The following SLC4A7 variants were observed in gnomAD, a reference collection of about 807,000 sequenced individuals.
SLC4A7 encodes the protein solute carrier family 4 member 7.
A neutral mutation model predicts 137.6 loss-of-function variants in SLC4A7; 51 were observed. That is an observed-to-expected ratio of 0.37 (90% CI 0.30 to 0.47). The LOEUF (loss-of-function observed/expected upper bound fraction) is 0.47, where lower values mean the gene tolerates loss of function less well. Among genes scored for constraint, SLC4A7 ranks in the 20% least tolerant of loss-of-function variants. The pLI, the probability that SLC4A7 is intolerant of heterozygous loss-of-function variation, is 1.00. For missense variants in SLC4A7, 1,247 were observed against 1,525.4 expected, an observed-to-expected ratio of 0.82 and a Z score of 3.04; for synonymous variants, 542 against 518.6, an observed-to-expected ratio of 1.05 and a Z score of -0.61.
In SLC4A7 at chr3:27,408,754, A is replaced by G. The variant is rs372623389; in HGVS notation, c.1941+602T>C. On this transcript the variant is annotated intron_variant, in intron 13 of 25. Transcript: ENST00000454389. ...TATAACCAGGAACAGGAAAACATAA[A>G]AACTTTCATTTTAGTCATATCAAAG... 3.9e-5 allele frequency among the ~76,000 whole-genome samples: 6 copies of G among 152,198 alleles called. No homozygotes were observed. The East Asian group carries it at 7.7e-4, about 20-fold the overall frequency.
chr3:27,418,178 T>G (rs914350634), intron 11 of SLC4A7, among the ~76,000 whole-genome samples: 14 of 152,184 alleles, frequency 9.2e-5, no homozygotes, highest in Admixed American at 9.2e-4. Context: ...ATTTCTTATG[T>G]CAGATCTCCT....
intron 1 of SLC4A7, among the ~76,000 whole-genome samples, chr3:27,479,501 A>C (rs1170206317): frequency 6.6e-6 from 1 of 152,120 alleles, no homozygotes; most frequent in Non-Finnish European, 1.5e-5. Flanking sequence ...GGAAAGAGTC[A>C]CTAATTTAGG....
chr3:27,482,551 G>A (rs928286324), intron 1 of SLC4A7, among the ~76,000 whole-genome samples: 5 of 152,106 alleles, frequency 3.3e-5, no homozygotes, highest in Non-Finnish European at 5.9e-5. Flanking sequence ...CGGGTGGATT[G>A]CCTGAGGTCA....
intron 25 of SLC4A7, among the ~76,000 whole-genome samples, chr3:27,378,356 C>G (rs1374394936): frequency 6.6e-6 from 1 of 151,962 alleles, no homozygotes; most frequent in Non-Finnish European, 1.5e-5. Flanking sequence ...CATCTGATGC[C>G]CAAGCAGAAT....
intron 1 of SLC4A7, among the ~76,000 whole-genome samples, chr3:27,471,916 C>T (rs184328865): frequency 2.0e-4 from 31 of 152,220 alleles, no homozygotes; most frequent in African/African-American, 6.3e-4. Flanking sequence ...CCTGTGAGGC[C>T]GATTGAAAAA....
chr3:27,397,771 A>G lies in SLC4A7; in HGVS notation c.2616T>C (p.Ala872=). ...TKVRSTISDF[A]VFLTIVIMVT... is the part of the protein sequence containing the mutation. ...CCATTATTACTATTGTGAGAAATACAGCAAAATCACTGATTGTCGATCGCA... is the reference window on the plus strand; with the variant it reads ...CCATTATTACTATTGTGAGAAATACGGCAAAATCACTGATTGTCGATCGCA... Residue 872 remains alanine, a synonymous_variant, in exon 18 of 26, where the codon GCT becomes GCC. Coordinates refer to ENST00000454389, the MANE Select transcript of SLC4A7 (RefSeq NM_001321103.2). The G allele has an allele frequency of 1.9e-6, 3 of 1,605,570 alleles. No homozygotes were observed. Among genetic ancestry groups the G allele is most frequent in the Non-Finnish European group, 2.6e-6 (3 of 1,173,876 alleles).
intron 7 of SLC4A7, among the ~76,000 whole-genome samples, chr3:27,425,860 T>C (rs994258342): frequency 1.3e-5 from 2 of 151,908 alleles, no homozygotes; most frequent in Non-Finnish European, 2.9e-5. Flanking sequence ...CACTGAACAT[T>C]ATAGGAGGAA....
intron 3 of SLC4A7, among the ~76,000 whole-genome samples, chr3:27,447,683 C>T (rs2057768134): frequency 7.3e-6 from 1 of 136,336 alleles, no homozygotes; most frequent in African/African-American, 2.8e-5. Flanking sequence ...CTTTCCCACT[C>T]TCAGGGCCAC....
chr3:27,461,656 A>G lies in SLC4A7; in HGVS notation c.61-9158T>C, dbSNP rs1283759309. On this transcript the variant is annotated intron_variant, in intron 1 of 25. Coordinates refer to ENST00000454389, the MANE Select transcript of SLC4A7 (RefSeq NM_001321103.2). The stretch of plus-strand genomic sequence containing the variant: ...TAAAAAGGAAAAATGGTATATAAAA[A>G]TGGATTAGGAATATGAACCATGGCT... Among the ~76,000 whole-genome samples, 6 of 151,852 alleles carry G rather than the reference A, an allele frequency of 4.0e-5. No homozygotes were observed. The South Asian group carries it at 8.3e-4, about 21-fold the overall frequency.
intron 3 of SLC4A7, among the ~76,000 whole-genome samples, chr3:27,438,967 A>C (rs1324331284): frequency 6.6e-6 from 1 of 152,212 alleles, no homozygotes; most frequent in Non-Finnish European, 1.5e-5. Context: ...GTAGTATAGG[A>C]ACCCGAAACA....
intron 24 of SLC4A7, 104 bp downstream of exon 24, chr3:27,383,049 C>A: frequency 1.4e-6 from 1 of 721,904 alleles, no homozygotes; most frequent in Non-Finnish European, 2.4e-6. Flanking sequence ...CAGATTGTAT[C>A]ATCTTTTATA....
At chr3:27,399,358 A>C (rs1024604438) in intron 16 of SLC4A7, among the ~76,000 whole-genome samples, 1 of 152,216 alleles carries the variant, frequency 6.6e-6, no homozygotes, top group Admixed American at 6.5e-5. Context: ...TCATTTGAAC[A>C]CCTCTATTAA....
chr3:27,442,752 G>A (rs2057300776), intron 3 of SLC4A7, among the ~76,000 whole-genome samples: 1 of 152,086 alleles, frequency 6.6e-6, no homozygotes, highest in Non-Finnish European at 1.5e-5. Flanking sequence ...TGAAAGGTGA[G>A]GGGTTACGAA....
chr3:27,372,966 A>G lies in SLC4A7; in HGVS notation c.*3798T>C, dbSNP rs892829581. 6.6e-6 allele frequency: 1 copy of G among 152,526 alleles called. No homozygotes were observed. The highest frequency in any genetic ancestry group is 2.4e-5 in the African/African-American group (1 of 41,448). 9.4% of individuals were successfully genotyped at this position (152,526 alleles called of 1,614,324 possible). A position where few individuals can be genotyped will look rare whatever the true frequency, so the allele number is the denominator to read the frequency against. On this transcript the variant is annotated 3_prime_UTR_variant, in exon 26 of 26. Coordinates refer to ENST00000454389, the MANE Select transcript of SLC4A7 (RefSeq NM_001321103.2). Reference sequence around the variant, plus strand: ...CCATAAAAATTGGAACTGTATTGTGAAATTACATCAAGGTATCAGATTTTA... The same window carrying G: ...CCATAAAAATTGGAACTGTATTGTGGAATTACATCAAGGTATCAGATTTTA...
At chr3:27,442,568 C>G (rs2057285268) in intron 3 of SLC4A7, among the ~76,000 whole-genome samples, 1 of 151,786 alleles carries the variant, frequency 6.6e-6, no homozygotes, top group Non-Finnish European at 1.5e-5. Context: ...AACAGGCATG[C>G]CTGGTTAATT....
At chr3:27,399,589 T>A (rs1462450063) in intron 16 of SLC4A7, among the ~76,000 whole-genome samples, 1 of 152,046 alleles carries the variant, frequency 6.6e-6, no homozygotes, top group East Asian at 1.9e-4. Context: ...CGAGTCACCA[T>A]ACCAGGGTAA....
At chr3:27,438,598 CATA>C in intron 3 of SLC4A7, among the ~76,000 whole-genome samples, 1 of 108,470 alleles carries the variant, frequency 9.2e-6, no homozygotes, top group Non-Finnish European at 2.0e-5. Context: ...AATAAAATAA[CATA>C]ACATAAAATA....
At chr3:27,391,861 C>T in intron 20 of SLC4A7, 53 bp from the exon 21 acceptor site, 2 of 1,030,176 alleles carry the variant, frequency 1.9e-6, no homozygotes, top group Middle Eastern at 2.3e-4. Context: ...TAAACAAAAA[C>T]ATAATCAGTG....
In SLC4A7 at chr3:27,484,319, G is replaced by C; in HGVS notation, c.-193C>G. The C allele has an allele frequency of 2.8e-6, 1 of 361,660 alleles. No homozygotes were observed. Among genetic ancestry groups the C allele is most frequent in the Middle Eastern group, 7.4e-4 (1 of 1,352 alleles). The allele number at this position is 361,660 out of a possible 1,614,324, so 22.4% of individuals were successfully genotyped here. ...GGAGACGCGGGGCGTGCGTGTGCGCGCTGCGACTGCTGGGCTGGCTTTAGT... is the reference window on the plus strand; with the variant it reads ...GGAGACGCGGGGCGTGCGTGTGCGCCCTGCGACTGCTGGGCTGGCTTTAGT... On this transcript the variant is annotated 5_prime_UTR_variant, in exon 1 of 26. Transcript: ENST00000454389.
Sources: allele counts gnomAD v4.1 joint callset (sites outside exome capture counted in the v4.1 genomes callset), GRCh38; gene constraint gnomAD v4.1.1; transcripts MANE v1.5; gene names NCBI Gene and HGNC (gene_info 2026-07-23, HGNC 2026-07-21).